Variants in DYM observed in about 807,000 individuals in gnomAD.
DYM encodes the protein dyggve-Melchior-Clausen syndrome protein.
Under a neutral mutation model 93.1 loss-of-function variants are expected in DYM, and 78 were observed. The observed-to-expected ratio is 0.84, with a 90% CI of 0.70 to 1.01. The LOEUF is 1.01. Ranked by LOEUF, DYM falls within the 50% of genes least tolerant of loss-of-function variation. The probability of loss-of-function intolerance (pLI) is 0.00; values close to 1 mark genes in which losing one functional copy is unlikely to be tolerated. For synonymous variants in DYM, 321 were observed against 319.7 expected (o/e 1.00, Z -0.04); for missense variants, 789 against 845.0 (o/e 0.93, Z 0.82).
intron 9 of DYM, among the ~76,000 whole-genome samples, chr18:49,283,707 C>G (rs1044246176): frequency 2.6e-5 from 4 of 152,162 alleles, no homozygotes; most frequent in Non-Finnish European, 4.4e-5. Context: ...TATTTTTAAG[C>G]CTTTAAAACA....
At chr18:49,363,884 G>A (rs2066276526) in intron 5 of DYM, among the ~76,000 whole-genome samples, 2 of 152,168 alleles carry the variant, frequency 1.3e-5, no homozygotes, top group Admixed American at 1.3e-4. Context: ...ACAGGTAAGT[G>A]ACCTCCAAAT....
At chr18:49,419,429 A>C (rs969315777) in intron 2 of DYM, among the ~76,000 whole-genome samples, 1 of 152,120 alleles carries the variant, frequency 6.6e-6, no homozygotes, top group African/African-American at 2.4e-5. Flanking sequence ...ACAAACTATA[A>C]AGCCATAATA....
chr18:49,410,448 G>A (rs1403761531), intron 2 of DYM, among the ~76,000 whole-genome samples: 1 of 151,288 alleles, frequency 6.6e-6, no homozygotes. Flanking sequence ...AAAAAAATAA[G>A]AAGTTGAATA....
chr18:49,398,281 C>G (rs2070367260), intron 2 of DYM, among the ~76,000 whole-genome samples: 1 of 152,114 alleles, frequency 6.6e-6, no homozygotes, highest in African/African-American at 2.4e-5. Flanking sequence ...CTGTCTGTCT[C>G]TCTGTCTGCT....
intron 1 of DYM, among the ~76,000 whole-genome samples, chr18:49,453,557 C>G (rs946196167): frequency 6.6e-6 from 1 of 152,180 alleles, no homozygotes; most frequent in Non-Finnish European, 1.5e-5. Flanking sequence ...CACACGCCGC[C>G]TTTAAGAACT....
At chr18:49,132,960 G>C (rs2083505797) in intron 15 of DYM, among the ~76,000 whole-genome samples, 1 of 152,124 alleles carries the variant, frequency 6.6e-6, no homozygotes, top group Non-Finnish European at 1.5e-5. Flanking sequence ...ATGTACAATA[G>C]ACACAAACAC....
chr18:49,208,583 C>A (rs1600664456), intron 14 of DYM: 1 of 152,194 alleles, frequency 6.6e-6, no homozygotes, highest in South Asian at 2.1e-4. Context: ...AGACTGCTTT[C>A]CTTTCCTAGC....
At chr18:49,126,734 A>T (rs1487769407) in intron 15 of DYM, among the ~76,000 whole-genome samples, 1 of 152,190 alleles carries the variant, frequency 6.6e-6, no homozygotes, top group Non-Finnish European at 1.5e-5. Context: ...GGTAAGCACT[A>T]TGTGAGTGTT....
intron 13 of DYM, among the ~76,000 whole-genome samples, chr18:49,227,399 T>C (rs1204309861): frequency 6.6e-6 from 1 of 152,134 alleles, no homozygotes; most frequent in Non-Finnish European, 1.5e-5. Context: ...ACACACAAGA[T>C]AAAATGCTAC....
At chr18:49,258,974 GAAAAAACAA>G (rs2094447227) in intron 11 of DYM, among the ~76,000 whole-genome samples, 1 of 74,368 alleles carries the variant, frequency 1.3e-5, no homozygotes, top group African/African-American at 4.3e-5. Flanking sequence ...TAAAATGGGG[GAAAAAACAA>G]AAAAAAAAAC....
chr18:49,321,461 G>A, intron 8 of DYM: 1 of 397,120 alleles, frequency 2.5e-6, no homozygotes, highest in Middle Eastern at 6.4e-4. Flanking sequence ...GTGGTTGTCA[G>A]CAAATTACAA....
intron 3 of DYM, among the ~76,000 whole-genome samples, chr18:49,384,625 A>AC (rs1491092286): frequency 6.3e-4 from 1 of 1,576 alleles, no homozygotes; most frequent in East Asian, 0.5. Flanking sequence ...ACTCCATCTC[A>AC]AAAAAAAAAA....
chr18:49,389,577 G>C (rs971468639), intron 3 of DYM, among the ~76,000 whole-genome samples: 3 of 152,084 alleles, frequency 2.0e-5, no homozygotes, highest in Admixed American at 2.0e-4. Context: ...GTTCCCTGCA[G>C]CCTCAAATTC....
intron 1 of DYM, among the ~76,000 whole-genome samples, chr18:49,442,715 T>A (rs75781788): frequency 0.091 from 13,902 of 152,230 alleles, 860 homozygotes; most frequent in East Asian, 0.31. Context: ...CCAGTCACCA[T>A]CTTAACTGTT....
At chr18:49,278,838 T>G (rs1162914228) in intron 10 of DYM, among the ~76,000 whole-genome samples, 2 of 152,128 alleles carry the variant, frequency 1.3e-5, no homozygotes, top group Non-Finnish European at 2.9e-5. Context: ...AAAGCACAAA[T>G]TTTTCATTTG....
chr18:49,285,639 T>C (rs1054443556), intron 9 of DYM, among the ~76,000 whole-genome samples: 3 of 152,256 alleles, frequency 2.0e-5, no homozygotes, highest in Non-Finnish European at 4.4e-5. Flanking sequence ...AGCCTAGTTG[T>C]GTAGTAGCTA....
intron 6 of DYM, among the ~76,000 whole-genome samples, chr18:49,337,279 C>T (rs1024938656): frequency 1.3e-5 from 2 of 152,112 alleles, no homozygotes; most frequent in Non-Finnish European, 2.9e-5. Context: ...TACAGCTGTC[C>T]TCTGTTGATT....
chr18:49,265,073 G>C (rs753484710), intron 11 of DYM, among the ~76,000 whole-genome samples: 1 of 152,126 alleles, frequency 6.6e-6, no homozygotes, highest in Non-Finnish European at 1.5e-5. Context: ...TGTGGGAGTG[G>C]ACAAAGTATA....
In DYM at chr18:49,430,384, T is replaced by C. The variant is rs1182514139; in HGVS notation, c.11A>G (p.Asn4Ser). 4 of 1,613,660 alleles carry C rather than the reference T, an allele frequency of 2.5e-6. No individual in the cohort carries two copies. The highest frequency in any genetic ancestry group is 2.2e-5 in the East Asian group (1 of 44,882). Reference sequence around the variant, plus strand: ...AGGAAGATCGCCGATTCTGCTGCTATTCGATCCCATCTTCTAGCTTAAGCA... The same window carrying C: ...AGGAAGATCGCCGATTCTGCTGCTACTCGATCCCATCTTCTAGCTTAAGCA... MGS[N>S]SSRIGDLPKN... Residue 4 changes from asparagine (N) to serine (S), a missense_variant, in exon 2 of 18, where the codon AAT (asparagine) becomes AGT (serine). Physicochemically the swap from Asn to Ser is conservative, Grantham distance 46. Transcript: ENST00000675505.
Sources: gnomAD v4.1 joint callset for allele counts (sites outside exome capture counted in the v4.1 genomes callset) on GRCh38, gnomAD v4.1.1 for gene constraint, MANE v1.5 for transcripts, NCBI Gene and HGNC (gene_info 2026-07-23, HGNC 2026-07-21) for gene names.